The following SPMIP8 variants were observed in gnomAD, a reference collection of about 807,000 sequenced individuals.
SPMIP8 encodes the protein testicular tissue protein Li 196.
the SPMIP8 span, among the ~76,000 whole-genome samples, chr16:57,981,875 T>C: frequency 6.6e-6 from 1 of 152,156 alleles, no homozygotes; most frequent in Non-Finnish European, 1.5e-5. Flanking sequence ...AGGGGTGGAA[T>C]GAAGCATGTC....
the SPMIP8 span, chr16:57,984,912 G>A: frequency 4.4e-5 from 63 of 1,419,410 alleles, no homozygotes; most frequent in Non-Finnish European, 5.8e-5. Context: ...GGGCCAGGCA[G>A]AAACAGGGCG....
chr16:57,984,595 C>A, the SPMIP8 span: 1 of 1,510,380 alleles, frequency 6.6e-7, no homozygotes, highest in Non-Finnish European at 8.9e-7. Flanking sequence ...TAGGCTCCTG[C>A]GGCTACGGCC....
chr16:57,982,088 GATTTTTGCCAT>G, the SPMIP8 span, among the ~76,000 whole-genome samples: 1 of 152,122 alleles, frequency 6.6e-6, no homozygotes, highest in South Asian at 2.1e-4. Context: ...TGCTTCAGTT[GATTTTTGCCAT>G]ATTTTTGCTT....
the SPMIP8 span, among the ~76,000 whole-genome samples, chr16:57,980,878 G>GTTGT: frequency 1.3e-5 from 2 of 152,034 alleles, no homozygotes; most frequent in African/African-American, 4.8e-5. Flanking sequence ...TGCTGTTGTT[G>GTTGT]TTGTTTGTTT....
At chr16:57,979,855 G>A in the SPMIP8 span, among the ~76,000 whole-genome samples, 2 of 152,202 alleles carry the variant, frequency 1.3e-5, no homozygotes, top group Non-Finnish European at 2.9e-5. Context: ...ATCACGTGAG[G>A]TCAGAAGTTC....
chr16:57,983,425 A>G, the SPMIP8 span, among the ~76,000 whole-genome samples: 1 of 152,024 alleles, frequency 6.6e-6, no homozygotes, highest in Non-Finnish European at 1.5e-5. Context: ...ATTTTTATGT[A>G]TTTAACTTAT....
the SPMIP8 span, among the ~76,000 whole-genome samples, chr16:57,976,842 G>A: frequency 6.6e-6 from 1 of 152,188 alleles, no homozygotes; most frequent in Admixed American, 6.5e-5. Flanking sequence ...GGGTCAGGAA[G>A]AAAGCAAGCT....
At chr16:57,984,963 G>A in the SPMIP8 span, among the ~76,000 whole-genome samples, 1 of 152,212 alleles carries the variant, frequency 6.6e-6, no homozygotes, top group Admixed American at 6.5e-5. Context: ...GGTGGGTGGA[G>A]CCGAGACGTG....
the SPMIP8 span, chr16:57,987,253 C>T: frequency 1.3e-6 from 1 of 788,556 alleles, no homozygotes; most frequent in Non-Finnish European, 1.8e-6. Flanking sequence ...GCTGAAAATA[C>T]AGAAAACAGG....
At chr16:57,977,699 C>T in the SPMIP8 span, 6 of 1,163,662 alleles carry the variant, frequency 5.2e-6, no homozygotes, top group African/African-American at 4.6e-5. Flanking sequence ...ACAGTAGGTG[C>T]TAAATAAATG....
chr16:57,982,666 A>G, the SPMIP8 span, among the ~76,000 whole-genome samples: 4 of 152,326 alleles, frequency 2.6e-5, no homozygotes, highest in Admixed American at 1.3e-4. Context: ...AAGTTTGATT[A>G]TTTGGTTAAG....
At chr16:57,984,039 G>C in the SPMIP8 span, among the ~76,000 whole-genome samples, 2 of 152,038 alleles carry the variant, frequency 1.3e-5, no homozygotes, top group Non-Finnish European at 2.9e-5. Flanking sequence ...GAGTACCCGG[G>C]ATTACAGGTG....
At chr16:57,982,668 T>C in the SPMIP8 span, among the ~76,000 whole-genome samples, 3 of 152,194 alleles carry the variant, frequency 2.0e-5, no homozygotes, top group African/African-American at 7.2e-5. Flanking sequence ...GTTTGATTAT[T>C]TGGTTAAGGT....
At chr16:57,985,187 AG>A in the SPMIP8 span, 1 of 1,504,530 alleles carries the variant, frequency 6.6e-7, no homozygotes. Context: ...AGCGCTCGAG[AG>A]GGGCTTTCTG....
chr16:57,985,692 T>C, the SPMIP8 span: 15 of 1,220,618 alleles, frequency 1.2e-5, 1 homozygote, highest in South Asian at 2.4e-4. Context: ...AAATTGCAAT[T>C]TCAAATGAAT....
the SPMIP8 span, among the ~76,000 whole-genome samples, chr16:57,978,275 G>C: frequency 6.6e-6 from 1 of 152,124 alleles, no homozygotes; most frequent in African/African-American, 2.4e-5. Flanking sequence ...ACACTTAGAG[G>C]CTGGGCGCAG....
chr16:57,984,781 A>G, the SPMIP8 span: 1 of 1,608,882 alleles, frequency 6.2e-7, no homozygotes, highest in African/African-American at 1.3e-5. Flanking sequence ...TCGGCCGGGG[A>G]GTTCAAGCTG....
the SPMIP8 span, chr16:57,985,260 C>G: frequency 6.4e-7 from 1 of 1,559,240 alleles, no homozygotes; most frequent in Non-Finnish European, 8.7e-7. Context: ...GTGACCCAGA[C>G]CTGGCGGGTA....
the SPMIP8 span, among the ~76,000 whole-genome samples, chr16:57,981,430 T>TAA: frequency 8.3e-4 from 117 of 141,674 alleles, 1 homozygote; most frequent in African/African-American, 1.3e-3. Flanking sequence ...ATTATTATTA[T>TAA]TATAATTTGG....
Sources: gnomAD v4.1 joint callset for allele counts (sites outside exome capture counted in the v4.1 genomes callset) on GRCh38, gnomAD v4.1.1 for gene constraint, MANE v1.5 for transcripts, NCBI Gene and HGNC (gene_info 2026-07-23, HGNC 2026-07-21) for gene names.